CD86: variants seen among roughly 807,000 people sequenced by gnomAD.
The protein encoded by CD86 is T-lymphocyte activation antigen CD86.
In CD86, 11 loss-of-function variants were observed where a neutral mutation model predicts 32.1. That is an observed-to-expected ratio of 0.34 (90% CI 0.22 to 0.57). The LOEUF is 0.57. Among genes scored for constraint, CD86 ranks in the 20% least tolerant of loss-of-function variants. CD86 has a pLI of 0.86. For synonymous variants in CD86, 137 were observed against 135.3 expected (o/e 1.01, Z -0.09); for missense variants, 359 against 398.4 (o/e 0.90, Z 0.84).
intron 3 of CD86, 78 bp downstream of exon 3, chr3:122,103,925 G>A (rs2107538953): frequency 1.7e-6 from 2 of 1,166,072 alleles, no homozygotes; most frequent in Non-Finnish European, 2.5e-6. Flanking sequence ...AACACTGGAG[G>A]GGGACTTGAG....
intron 1 of CD86, among the ~76,000 whole-genome samples, chr3:122,056,287 C>T (rs13082681): frequency 0.088 from 13,364 of 152,148 alleles, 603 homozygotes; most frequent in East Asian, 0.11. Flanking sequence ...CACACCCGCC[C>T]TTCTCTTGGG....
intron 1 of CD86, among the ~76,000 whole-genome samples, chr3:122,090,632 A>G (rs2107526107): frequency 6.6e-6 from 1 of 151,616 alleles, no homozygotes; most frequent in Middle Eastern, 3.4e-3. Context: ...GTGTATGGCC[A>G]TACCATCCTG....
intron 5 of CD86, among the ~76,000 whole-genome samples, chr3:122,114,900 C>T (rs983408001): frequency 2.0e-5 from 3 of 152,180 alleles, no homozygotes; most frequent in African/African-American, 7.2e-5. Flanking sequence ...ACCAAAAATT[C>T]TTCTGTTAGC....
At chr3:122,082,429 T>C in intron 1 of CD86, among the ~76,000 whole-genome samples, 1 of 152,252 alleles carries the variant, frequency 6.6e-6, no homozygotes, top group East Asian at 1.9e-4. Flanking sequence ...TTTGACATAA[T>C]TTCATTATTC....
At chr3:122,085,096 A>G (rs1003334604) in intron 1 of CD86, among the ~76,000 whole-genome samples, 8 of 152,232 alleles carry the variant, frequency 5.3e-5, no homozygotes, top group Non-Finnish European at 1.5e-5. Flanking sequence ...TTATATTCCT[A>G]GCACCAAACA....
At chr3:122,093,345 A>G (rs1169129484) in intron 2 of CD86, among the ~76,000 whole-genome samples, 1 of 152,166 alleles carries the variant, frequency 6.6e-6, no homozygotes, top group Non-Finnish European at 1.5e-5. Context: ...TGATAAATGC[A>G]TATATACACA....
intron 1 of CD86, among the ~76,000 whole-genome samples, chr3:122,060,171 C>T (rs143250228): frequency 1.3e-5 from 2 of 152,282 alleles, no homozygotes; most frequent in African/African-American, 4.8e-5. Flanking sequence ...GATTACATCA[C>T]TTAAATTAAG....
At chr3:122,101,513 A>AATAT (rs58001956) in intron 2 of CD86, among the ~76,000 whole-genome samples, 2,139 of 45,560 alleles carry the variant, frequency 0.047, 40 homozygotes, top group Non-Finnish European at 0.052. Context: ...AAAAAAAAAA[A>AATAT]ATATATATAT....
chr3:122,058,204 A>G (rs939002068), intron 1 of CD86, among the ~76,000 whole-genome samples: 1 of 152,198 alleles, frequency 6.6e-6, no homozygotes, highest in Non-Finnish European at 1.5e-5. Flanking sequence ...GGCATTACTA[A>G]GAACAGAATG....
chr3:122,099,042 G>C (rs1337998123), intron 2 of CD86, among the ~76,000 whole-genome samples: 1 of 152,216 alleles, frequency 6.6e-6, no homozygotes, highest in African/African-American at 2.4e-5. Context: ...GCACCTGGGA[G>C]TTATTAGCTT....
intron 5 of CD86, among the ~76,000 whole-genome samples, chr3:122,113,358 G>A (rs1483348397): frequency 1.3e-5 from 2 of 152,154 alleles, no homozygotes; most frequent in East Asian, 3.8e-4. Context: ...TTTCCTTTGG[G>A]TATATACCCA....
At chr3:122,086,559 T>G (rs754304995) in intron 1 of CD86, 7 of 474,416 alleles carry the variant, frequency 1.5e-5, no homozygotes, top group Non-Finnish European at 3.0e-5. Flanking sequence ...GCTTAGATGG[T>G]CCACAGTAGT....
In CD86 at chr3:122,055,412, G is replaced by A. The variant is rs2072218489; in HGVS notation, c.-78G>A. 1.7e-5 allele frequency: 24 copies of A among 1,411,682 alleles called. No individual in the cohort carries two copies. The South Asian group carries it at 2.8e-4, about 16-fold the overall frequency. The allele number at this position is 1,411,682 out of a possible 1,614,324, so 87.4% of individuals were successfully genotyped here. A position where few individuals can be genotyped will look rare whatever the true frequency, so the allele number is the denominator to read the frequency against. On this transcript the variant is annotated 5_prime_UTR_variant, in exon 1 of 7. Coordinates refer to ENST00000330540, the MANE Select transcript of CD86 (RefSeq NM_175862.5). The stretch of plus-strand genomic sequence containing the variant: ...AGGGTGAAAGCTTTGCTTCTCTGCT[G>A]CTGTAACAGGGACTAGCACAGACAC...
intron 6 of CD86, 24 bp downstream of exon 6, chr3:122,118,117 GAT>G (rs747318420): frequency 2.8e-6 from 4 of 1,435,368 alleles, no homozygotes; most frequent in Non-Finnish European, 3.7e-6. Flanking sequence ...CTGAGACATT[GAT>G]GAGAGAGAGG....
intron 2 of CD86, among the ~76,000 whole-genome samples, chr3:122,096,785 T>C (rs2072915055): frequency 6.6e-6 from 1 of 152,268 alleles, no homozygotes; most frequent in Admixed American, 6.5e-5. Flanking sequence ...GTTATAATAG[T>C]GTACTGCCCT....
rs1034194458 is a variant in CD86, at chr3:122,119,870, T to C, written c.*336T>C. 1 of 183,594 alleles carries C rather than the reference T, an allele frequency of 5.4e-6. No individual in the cohort carries two copies. The highest frequency in any genetic ancestry group is 2.4e-5 in the African/African-American group (1 of 42,250). The allele number at this position is 183,594 out of a possible 1,614,324, so 11.4% of individuals were successfully genotyped here. On this transcript the variant is annotated 3_prime_UTR_variant, in exon 7 of 7. Coordinates refer to ENST00000330540, the MANE Select transcript of CD86 (RefSeq NM_175862.5). ...TTAATTTCATAGATTGTGTTTTTTT[T>C]TTAAATAGACCTCTCAATTTCTGGA...
At chr3:122,057,552 C>T (rs1304609297) in intron 1 of CD86, among the ~76,000 whole-genome samples, 7 of 152,108 alleles carry the variant, frequency 4.6e-5, no homozygotes. Context: ...GTATTTTCTA[C>T]TGTGTGCTTT....
intron 2 of CD86, among the ~76,000 whole-genome samples, chr3:122,099,246 G>C (rs1053242567): frequency 6.6e-6 from 1 of 151,488 alleles, no homozygotes; most frequent in African/African-American, 2.4e-5. Flanking sequence ...TTGACACAGC[G>C]GTCAAATGAG....
intron 1 of CD86, among the ~76,000 whole-genome samples, chr3:122,090,720 G>A (rs2072803076): frequency 6.6e-6 from 1 of 152,052 alleles, no homozygotes; most frequent in African/African-American, 2.4e-5. Flanking sequence ...CAGCCTTTTT[G>A]GTGCTAGTTA....
Sources: allele counts gnomAD v4.1 joint callset (sites outside exome capture counted in the v4.1 genomes callset), GRCh38; gene constraint gnomAD v4.1.1; transcripts MANE v1.5; gene names NCBI Gene and HGNC (gene_info 2026-07-23, HGNC 2026-07-21).